UBE2V1: variants seen among roughly 807,000 people sequenced by gnomAD.
The protein encoded by UBE2V1 is ubiquitin conjugating enzyme E2 V1.
In UBE2V1, 15 loss-of-function variants were observed where a neutral mutation model predicts 19.6. The observed-to-expected ratio is 0.77, with a 90% confidence interval of 0.51 to 1.18. The LOEUF (loss-of-function observed/expected upper bound fraction) is 1.18. Among genes scored for constraint, UBE2V1 ranks in the 50% most tolerant of loss-of-function variants. The pLI, the probability that UBE2V1 is intolerant of heterozygous loss-of-function variation, is 0.00. For missense variants in UBE2V1, 125 were observed against 184.8 expected (o/e 0.68, Z 1.88); for synonymous variants, 60 against 60.7 (o/e 0.99, Z 0.05).
intron 1 of UBE2V1, among the ~76,000 whole-genome samples, chr20:50,109,591 A>T (rs1329382730): frequency 1.3e-5 from 2 of 152,054 alleles, no homozygotes; most frequent in African/African-American, 2.4e-5. Context: ...TCTACTAAAA[A>T]TACAAAAATT....
intron 2 of UBE2V1, among the ~76,000 whole-genome samples, chr20:50,094,389 AT>A (rs1245980064): frequency 6.7e-6 from 1 of 150,036 alleles, no homozygotes; most frequent in Non-Finnish European, 1.5e-5. Flanking sequence ...AGATAAAAAA[AT>A]AAAAAGAAAA....
chr20:50,110,931 G>A (rs1231724690), intron 1 of UBE2V1, among the ~76,000 whole-genome samples: 1 of 152,136 alleles, frequency 6.6e-6, no homozygotes, highest in Non-Finnish European at 1.5e-5. Flanking sequence ...TGACTCAGCT[G>A]AAATGTCACT....
chr20:50,102,816 C>G (rs528114465), intron 1 of UBE2V1, among the ~76,000 whole-genome samples: 1 of 152,338 alleles, frequency 6.6e-6, no homozygotes, highest in Admixed American at 6.5e-5. Context: ...ACCTGCTTCG[C>G]CAACATCATT....
At chr20:50,101,287 T>C (rs1306164776) in intron 1 of UBE2V1, among the ~76,000 whole-genome samples, 3 of 152,210 alleles carry the variant, frequency 2.0e-5, no homozygotes, top group Non-Finnish European at 4.4e-5. Context: ...GTGATATACA[T>C]ATAAATATCT....
At chr20:50,100,628 A>G (rs1192120446) in intron 1 of UBE2V1, among the ~76,000 whole-genome samples, 1 of 152,226 alleles carries the variant, frequency 6.6e-6, no homozygotes, top group Non-Finnish European at 1.5e-5. Context: ...ATGGCAAAGT[A>G]TAACAGCTTC....
At chr20:50,086,799 C>A (rs186313478) in intron 2 of UBE2V1, among the ~76,000 whole-genome samples, 1 of 152,196 alleles carries the variant, frequency 6.6e-6, no homozygotes, top group Non-Finnish European at 1.5e-5. Context: ...AACCTAAGGC[C>A]GGGTGAGCTG....
upstream of UBE2V1, among the ~76,000 whole-genome samples, chr20:50,114,273 G>A (rs947304345): frequency 2.6e-5 from 4 of 152,154 alleles, no homozygotes; most frequent in Admixed American, 6.5e-5. Flanking sequence ...GGACAAGGAA[G>A]CTGGAAGCCC....
chr20:50,090,587 A>G (rs144426985), intron 2 of UBE2V1, among the ~76,000 whole-genome samples: 2 of 152,322 alleles, frequency 1.3e-5, no homozygotes, highest in Non-Finnish European at 2.9e-5. Context: ...TATGATCTCA[A>G]TTATACATGG....
Position 50,113,142 on chromosome 20 carries a change from T to C in UBE2V1, c.-14A>G. 7.4e-7 allele frequency: 1 copy of C among 1,343,052 alleles called. No individual in the cohort carries two copies. The highest frequency in any genetic ancestry group is 1.5e-5 in the African/African-American group (1 of 66,086). 83.2% of individuals were successfully genotyped at this position (1,343,052 alleles called of 1,614,324 possible). Reference sequence around the variant, plus strand: ...GGTGGCTGCCATCTTGCGTCGCTCTTGCTTGAAGGCCGGCCCCTTCTTCAC... The same window carrying C: ...GGTGGCTGCCATCTTGCGTCGCTCTCGCTTGAAGGCCGGCCCCTTCTTCAC... On this transcript the variant is annotated 5_prime_UTR_variant, in exon 1 of 4. Transcript: ENST00000371674.
intron 1 of UBE2V1, among the ~76,000 whole-genome samples, chr20:50,101,002 T>C (rs1031432211): frequency 9.2e-5 from 14 of 152,262 alleles, no homozygotes; most frequent in South Asian, 2.1e-4. Context: ...ACTTCCAACA[T>C]ACATTTCTAC....
rs768787191 is a variant in UBE2V1 at position 50,082,843 on chromosome 20, C to A, written c.369G>T (p.Glu123Asp). 1.2e-5 allele frequency: 20 copies of A among 1,613,198 alleles called. No individual in the cohort carries two copies. The highest frequency in any genetic ancestry group is 1.6e-5 in the Non-Finnish European group (19 of 1,179,868). Residue 123 changes from glutamate (E) to aspartate (D), a missense_variant, in exon 4 of 4, where the codon GAG (glutamate) becomes GAT (aspartate). Glu to Asp is a conservative substitution (Grantham distance 45). Coordinates refer to ENST00000371674, the MANE Select transcript of UBE2V1 (RefSeq NM_001032288.3). Reference protein sequence around the residue: ...NSYSIKVVLQELRRLMMSKEN... With the variant: ...NSYSIKVVLQDLRRLMMSKEN... The stretch of plus-strand genomic sequence containing the variant: ...CTTTAGACATCATTAGGCGCCGAAG[C>A]TCTTGCAGGACAACTTTGATGCTAT...
upstream of UBE2V1, chr20:50,115,441 A>T (rs763212179): frequency 2.0e-6 from 3 of 1,487,576 alleles, no homozygotes; most frequent in Non-Finnish European, 2.7e-6. Flanking sequence ...ACTGTAAAGC[A>T]TCAGTAGCAA....
intron 1 of UBE2V1, among the ~76,000 whole-genome samples, chr20:50,097,276 T>C (rs1176943337): frequency 3.9e-5 from 6 of 152,162 alleles, no homozygotes; most frequent in African/African-American, 1.4e-4. Context: ...ATATGGGAAA[T>C]AAAAATGGTA....
rs377597018 is a variant in UBE2V1 at position 50,096,681 on chromosome 20, C to A, written c.162G>T (p.Gly54=). ...GTAGCTCGACGCTTACTCTTGGAGG[C>A]CCAATTATCATCCCTGTCCATCTTG... is the stretch of plus-strand genomic sequence containing the variant. ...TLTRWTGMII[G]PPRTIYENRI... is the part of the protein sequence containing the mutation. The change falls in exon 2 of 4, where the codon GGG becomes GGT. Residue 54 remains glycine (G), a synonymous_variant. Transcript: ENST00000371674. 12 of 1,613,794 alleles carry A rather than the reference C, an allele frequency of 7.4e-6. No homozygotes were observed. The highest frequency in any genetic ancestry group is 1.0e-5 in the Non-Finnish European group (12 of 1,179,938).
intron 1 of UBE2V1, among the ~76,000 whole-genome samples, chr20:50,097,164 T>C (rs565030164): frequency 1.6e-4 from 24 of 152,218 alleles, no homozygotes; most frequent in African/African-American, 5.8e-4. Flanking sequence ...AAACCATCAA[T>C]ATCAGGTGCT....
intron 2 of UBE2V1, among the ~76,000 whole-genome samples, chr20:50,088,088 C>T (rs1342273527): frequency 7.0e-6 from 1 of 141,954 alleles, no homozygotes; most frequent in Non-Finnish European, 1.5e-5. Flanking sequence ...GAGATAACCC[C>T]AGTCTAATCA....
intron 1 of UBE2V1, 30 bp downstream of exon 1, chr20:50,113,077 C>A (rs768735264): frequency 4.4e-6 from 5 of 1,129,814 alleles, no homozygotes; most frequent in Non-Finnish European, 2.3e-6. Context: ...CATGCCCCCT[C>A]GGCCGGCCGG....
In UBE2V1 at chr20:50,081,563, C is replaced by T. The variant is rs556570713; in HGVS notation, c.*1205G>A. The T allele has an allele frequency of 6.5e-6, 1 of 153,752 alleles. No homozygotes were observed. The highest frequency in any genetic ancestry group is 2.1e-4 in the South Asian group (1 of 4,840). The allele number at this position is 153,752 out of a possible 1,614,324, so 9.5% of individuals were successfully genotyped here. A position where few individuals can be genotyped will look rare whatever the true frequency, so the allele number is the denominator to read the frequency against. On this transcript the variant is annotated 3_prime_UTR_variant, in exon 4 of 4. Transcript: ENST00000371674. Reference sequence around the variant, plus strand: ...AGCAGCAGCAGCACCAAAACCAAGGCATGCACCGGATTCAAGGTTCTTTTT... The same window carrying T: ...AGCAGCAGCAGCACCAAAACCAAGGTATGCACCGGATTCAAGGTTCTTTTT...
At chr20:50,106,712 C>CG (rs397935070) in intron 1 of UBE2V1, among the ~76,000 whole-genome samples, 1 of 1,936 alleles carries the variant, frequency 5.2e-4, no homozygotes, top group Non-Finnish European at 6.8e-4. Flanking sequence ...TGCCTGTAAT[C>CG]GAGCTACTCA....
Sources: allele counts gnomAD v4.1 joint callset (sites outside exome capture counted in the v4.1 genomes callset), GRCh38; gene constraint gnomAD v4.1.1; transcripts MANE v1.5; gene names NCBI Gene and HGNC (gene_info 2026-07-23, HGNC 2026-07-21).